The following ATP5F1B variants were observed in gnomAD, a reference collection of about 807,000 sequenced individuals.
ATP5F1B encodes ATP synthase F1 subunit beta.
In ATP5F1B, 17 loss-of-function variants were observed where a neutral mutation model predicts 45.9. The observed-to-expected ratio is 0.37, with a 90% CI of 0.25 to 0.56. The LOEUF (loss-of-function observed/expected upper bound fraction) is 0.56, where lower values mean the gene tolerates loss of function less well. Ranked by LOEUF, ATP5F1B falls within the 20% of genes least tolerant of loss-of-function variation. The pLI, the probability that ATP5F1B is intolerant of heterozygous loss-of-function variation, is 0.80. For missense variants in ATP5F1B, 387 were observed against 673.2 expected, an observed-to-expected ratio of 0.57 and a Z score of 4.70; for synonymous variants, 218 against 256.5, an observed-to-expected ratio of 0.85 and a Z score of 1.43.
In ATP5F1B at chr12:56,643,535, G is replaced by A. The variant is rs2137546363; in HGVS notation, c.660C>T (p.Ile220=). The change falls in exon 5 of 10, where the codon ATC becomes ATT. Residue 220 remains isoleucine (I), a synonymous_variant. Transcript: ENST00000262030. ...VGKTVLIMEL[I]NNVAKAHGGY... ...CACCATGGGCTTTGGCGACATTGTT[G>A]ATTAACTCCATGATCAGTACAGTCT... is the stretch of plus-strand genomic sequence containing the variant. The A allele has an allele frequency of 6.2e-7, 1 of 1,614,096 alleles. No homozygotes were observed. Among genetic ancestry groups the A allele is most frequent in the Non-Finnish European group, 8.5e-7 (1 of 1,180,026 alleles).
In ATP5F1B at chr12:56,645,976, G is replaced by C. The variant is rs530583169; in HGVS notation, c.-13C>G. The C allele has an allele frequency of 5.0e-6, 8 of 1,592,388 alleles. No homozygotes were observed. In the South Asian group the frequency reaches 6.8e-5, roughly 14 times the overall value. Reference sequence around the variant, plus strand: ...CAAACCCCAACATGGCGTAGTCCGGGTGGAGACTGAAGGCTGCAGCAACCG... The same window carrying C: ...CAAACCCCAACATGGCGTAGTCCGGCTGGAGACTGAAGGCTGCAGCAACCG... On this transcript the variant is annotated 5_prime_UTR_variant, in exon 1 of 10. Coordinates refer to ENST00000262030, the MANE Select transcript of ATP5F1B (RefSeq NM_001686.4).
intron 6 of ATP5F1B, 22 bp downstream of exon 6, chr12:56,642,651 C>T (rs1268732030): frequency 1.2e-6 from 2 of 1,614,022 alleles, no homozygotes; most frequent in East Asian, 2.2e-5. Context: ...TGAACCAGGT[C>T]CTCTCAAGCC....
In ATP5F1B at chr12:56,643,538, T is replaced by G. The variant is rs766998026; in HGVS notation, c.657A>C (p.Leu219Phe). 6.2e-7 allele frequency: 1 copy of G among 1,614,148 alleles called. No homozygotes were observed. Among genetic ancestry groups the G allele is most frequent in the South Asian group, 1.1e-5 (1 of 91,074 alleles). Residue 219 changes from leucine to phenylalanine, a missense_variant, in exon 5 of 10, where the codon TTA (leucine) becomes TTC (phenylalanine). This residue lies in a region of ATP5F1B where 154 missense variants were observed against 361.4 expected (regional missense o/e 0.43). Coordinates refer to ENST00000262030, the MANE Select transcript of ATP5F1B (RefSeq NM_001686.4). ...CATGGGCTTTGGCGACATTGTTGAT[T>G]AACTCCATGATCAGTACAGTCTTGC... ...GVGKTVLIME[L>F]INNVAKAHGG... is the part of the protein sequence containing the mutation.
In ATP5F1B at chr12:56,643,952, A is replaced by C. The variant is rs747712424; in HGVS notation, c.492T>G (p.Ala164=). The part of the protein sequence containing the change: ...ERGPIKTKQF[A]PIHAEAPEFM... ...ACTCTGGAGCCTCAGCATGAATGGG[A>C]GCAAATCTGTAAAGGTAGAAGAGAG... Residue 164 remains alanine, a synonymous_variant, in exon 4 of 10, where the codon GCT becomes GCG. Transcript: ENST00000262030. The C allele has an allele frequency of 1.9e-6, 3 of 1,614,040 alleles. No homozygotes were observed. The highest frequency in any genetic ancestry group is 2.5e-6 in the Non-Finnish European group (3 of 1,179,986).
chr12:56,638,199 G>A lies in ATP5F1B; in HGVS notation c.*124C>T, dbSNP rs1592642966. The A allele has an allele frequency of 1.2e-6, 1 of 805,404 alleles. No homozygotes were observed. The highest frequency in any genetic ancestry group is 2.0e-6 in the Non-Finnish European group (1 of 507,724). The allele number at this position is 805,404 out of a possible 1,614,324, so 49.9% of individuals were successfully genotyped here. ...ATTCTGAGGGGTGTACATTTTATTG[G>A]AAACCTTAAATACTGTTCAGAAAGA... On this transcript the variant is annotated 3_prime_UTR_variant, in exon 10 of 10. Coordinates refer to ENST00000262030, the MANE Select transcript of ATP5F1B (RefSeq NM_001686.4).
At position 56,639,960 on chromosome 12, in the gene ATP5F1B, CCACATAG is replaced by C. The variant is rs1373183704; in HGVS notation, c.1287+13_1287+19del. 5.0e-6 allele frequency: 8 copies of C among 1,612,850 alleles called. No individual in the cohort carries two copies. Among genetic ancestry groups the C allele is most frequent in the Non-Finnish European group, 6.8e-6 (8 of 1,179,218 alleles). ...CTTTTTGACTTTCCGGACACTGATC[CCACATAG>C]TAATATACTCACCTGCAGGATCTTT... is the stretch of plus-strand genomic sequence containing the variant. On this transcript the variant is annotated intron_variant, in intron 8 of 9. Transcript: ENST00000262030.
intron 9 of ATP5F1B, 86 bp from the exon 10 acceptor site, chr12:56,638,509 G>A (rs1951488683): frequency 4.0e-6 from 4 of 1,003,442 alleles, no homozygotes; most frequent in Non-Finnish European, 6.1e-6. Context: ...CACCACTTCA[G>A]GCCATCAGTT....
chr12:56,640,246 T>TG, intron 7 of ATP5F1B, 54 bp from the exon 8 acceptor site: 2 of 1,507,780 alleles, frequency 1.3e-6, no homozygotes, highest in Non-Finnish European at 1.8e-6. Flanking sequence ...TTTTTTTTTT[T>TG]TTGAGAGGGT....
rs1411589748 is a variant in ATP5F1B, at chr12:56,645,209, C to T, written c.272G>A (p.Arg91Lys). 1 of 1,614,244 alleles carries T rather than the reference C, an allele frequency of 6.2e-7. No individual in the cohort carries two copies. The highest frequency in any genetic ancestry group is 2.2e-5 in the East Asian group (1 of 44,890). Residue 91 changes from arginine (R) to lysine (K), a missense_variant, in exon 2 of 10, where the codon AGG becomes AAG. Arg to Lys is a conservative substitution (Grantham distance 26). Transcript: ENST00000262030. The stretch of plus-strand genomic sequence containing the variant: ...CACCTCCAAAACCAGTCTGGTCTCC[C>T]TGCCTTGCACTTCCAGGGCATTTAG... ...PILNALEVQG[R>K]ETRLVLEVAQ...
rs1256436341 is a variant in ATP5F1B, at chr12:56,638,316, A to G, written c.*7T>C. On this transcript the variant is annotated 3_prime_UTR_variant, in exon 10 of 10. Transcript: ENST00000262030. ...AGGAGAGAGACAGTACAGAGGACAA[A>G]GACCCCTCACGATGAATGCTCTTCA... The G allele has an allele frequency of 1.2e-6, 2 of 1,612,496 alleles. No homozygotes were observed. Among genetic ancestry groups the G allele is most frequent in the South Asian group, 1.1e-5 (1 of 91,064 alleles).
rs760380343 is a variant in ATP5F1B, at chr12:56,645,367, G to C, written c.128-14C>G. On this transcript the variant is annotated splice_polypyrimidine_tract_variant and intron_variant, in intron 1 of 9. Transcript: ENST00000262030. ...CATAGTCCCTGACTAACAGACAAAA[G>C]ATATTGGAAGGAGCTGGGGTCAGGC... is the stretch of plus-strand genomic sequence containing the variant. 1 of 1,608,862 alleles carries C rather than the reference G, an allele frequency of 6.2e-7. No individual in the cohort carries two copies. The highest frequency in any genetic ancestry group is 1.1e-5 in the South Asian group (1 of 90,868).
rs754829786 is a variant in ATP5F1B, at chr12:56,644,762, T to C, written c.485+19A>G. The C allele has an allele frequency of 3.7e-6, 6 of 1,601,324 alleles. No individual in the cohort carries two copies. Among genetic ancestry groups the C allele is most frequent in the Middle Eastern group, 1.7e-4 (1 of 6,028 alleles). ...TAACAGAAGTTCCTTTGTGCATAGA[T>C]GCAATAAGAGCAACTTACTGTTTGG... On this transcript the variant is annotated intron_variant, in intron 3 of 9. Coordinates refer to ENST00000262030, the MANE Select transcript of ATP5F1B (RefSeq NM_001686.4).
chr12:56,643,386 A>G lies in ATP5F1B; in HGVS notation c.792+17T>C, dbSNP rs758436169. The G allele has an allele frequency of 1.9e-6, 3 of 1,606,298 alleles. No homozygotes were observed. Among genetic ancestry groups the G allele is most frequent in the Middle Eastern group, 1.7e-4 (1 of 6,036 alleles). ...TGGCGTAACTACCACGTGGACATCA[A>G]TTAGCTCAATGCTTACCTTAGAGGT... On this transcript the variant is annotated intron_variant, in intron 5 of 9. Coordinates refer to ENST00000262030, the MANE Select transcript of ATP5F1B (RefSeq NM_001686.4).
chr12:56,645,638 A>T (rs1388787724), intron 1 of ATP5F1B, among the ~76,000 whole-genome samples, 199 bp downstream of exon 1: 1 of 152,204 alleles, frequency 6.6e-6, no homozygotes, highest in Non-Finnish European at 1.5e-5. Context: ...AAAGGACTTT[A>T]TACAAAATGG....
chr12:56,643,036 G>A, intron 5 of ATP5F1B: 2 of 578,062 alleles, frequency 3.5e-6, no homozygotes, highest in Non-Finnish European at 5.8e-6. Context: ...ATAGTAGAAA[G>A]GAAATAAAAA....
chr12:56,640,213 G>A, intron 7 of ATP5F1B, 21 bp from the exon 8 acceptor site: 1 of 1,582,590 alleles, frequency 6.3e-7, no homozygotes, highest in Non-Finnish European at 8.6e-7. Flanking sequence ...ATCCCATGAA[G>A]AACAGGAACC....
At chr12:56,640,389 G>A (rs1381863966) in intron 7 of ATP5F1B, among the ~76,000 whole-genome samples, 197 bp from the exon 8 acceptor site, 1 of 152,028 alleles carries the variant, frequency 6.6e-6, no homozygotes, top group South Asian at 2.1e-4. Flanking sequence ...CACCACACCC[G>A]GCTAATTTTT....
intron 7 of ATP5F1B, among the ~76,000 whole-genome samples, chr12:56,641,617 C>T (rs1011617322): frequency 4.6e-5 from 7 of 151,710 alleles, no homozygotes; most frequent in Admixed American, 1.3e-4. Flanking sequence ...CTCAGCTCAC[C>T]ACAACCTCCT....
chr12:56,640,315 G>C, intron 7 of ATP5F1B, 123 bp from the exon 8 acceptor site: 1 of 776,726 alleles, frequency 1.3e-6, no homozygotes. Context: ...TGCAACCTCT[G>C]CCTCCTGGAT....
Sources: gnomAD v4.1 joint callset for allele counts (sites outside exome capture counted in the v4.1 genomes callset) on GRCh38, gnomAD v4.1.1 for gene constraint, gnomAD v4.1.1 regional missense constraint, MANE v1.5 for transcripts, NCBI Gene and HGNC (gene_info 2026-07-23, HGNC 2026-07-21) for gene names.